The following SIPA1L3 variants were observed in gnomAD, a reference collection of about 807,000 sequenced individuals.
SIPA1L3 encodes signal-induced proliferation-associated 1-like protein 3.
In SIPA1L3, 59 loss-of-function variants were observed where a neutral mutation model predicts 150.1. That is an observed-to-expected ratio of 0.39 (90% CI 0.32 to 0.49). The LOEUF is 0.49. Ranked by LOEUF, SIPA1L3 falls within the 20% of genes least tolerant of loss-of-function variation. The probability of loss-of-function intolerance (pLI) is 0.86; values close to 1 mark genes in which losing one functional copy is unlikely to be tolerated. For synonymous variants in SIPA1L3, 1,070 were observed against 1,077.6 expected (o/e 0.99, Z 0.14); for missense variants, 2,211 against 2,489.5 (o/e 0.89, Z 2.38).
At chr19:38,050,121 G>T (rs1488712033) in intron 2 of SIPA1L3, among the ~76,000 whole-genome samples, 2 of 152,148 alleles carry the variant, frequency 1.3e-5, no homozygotes, top group Non-Finnish European at 2.9e-5. Context: ...TATATTGTAA[G>T]GTATTTTGAG....
chr19:37,938,624 C>CTTTTTTTTTTTTTTTT (rs759856556), intron 1 of SIPA1L3, among the ~76,000 whole-genome samples: 2 of 131,254 alleles, frequency 1.5e-5, no homozygotes, highest in Non-Finnish European at 3.3e-5. Flanking sequence ...TTTCTTTTTT[C>CTTTTTTTTTTTTTTTT]TTTTTTTTTT....
intron 1 of SIPA1L3, among the ~76,000 whole-genome samples, chr19:37,937,033 T>G (rs2046606666): frequency 6.6e-6 from 1 of 152,192 alleles, no homozygotes; most frequent in Admixed American, 6.5e-5. Flanking sequence ...GCTAATTTTT[T>G]TCATTTGTTT....
At chr19:38,143,349 GCCCTCATCCT>G (rs1971634693) in intron 12 of SIPA1L3, among the ~76,000 whole-genome samples, 1 of 151,952 alleles carries the variant, frequency 6.6e-6, no homozygotes, top group African/African-American at 2.4e-5. Context: ...CTGAGCTGTG[GCCCTCATCCT>G]GTGAATGTCC....
At chr19:37,962,104 T>C (rs1048164851) in intron 1 of SIPA1L3, among the ~76,000 whole-genome samples, 2 of 152,004 alleles carry the variant, frequency 1.3e-5, no homozygotes. Flanking sequence ...TGAGTATGGG[T>C]CACATTTTAC....
chr19:38,123,254 T>G lies in SIPA1L3; in HGVS notation c.2868+3372T>G, dbSNP rs146313695. ...AGCCCAAAGAGCCTGGGTTTTGGAG[T>G]TTTTTTTTTGTTTTTTTTGTTTTTT... On this transcript the variant is annotated intron_variant, in intron 9 of 21. Coordinates refer to ENST00000222345, the MANE Select transcript of SIPA1L3 (RefSeq NM_015073.3). 1.6e-3 allele frequency among the ~76,000 whole-genome samples: 207 copies of G among 131,324 alleles called. 1 individual carries two copies. Among genetic ancestry groups the G allele is most frequent in the East Asian group, 8.2e-3 (40 of 4,852 alleles). The allele number at this position is 131,324 out of a possible 152,430, so 86.2% of individuals were successfully genotyped here.
At chr19:37,956,780 A>G (rs1366487428) in intron 1 of SIPA1L3, among the ~76,000 whole-genome samples, 1 of 152,036 alleles carries the variant, frequency 6.6e-6, no homozygotes, top group Non-Finnish European at 1.5e-5. Context: ...CACCACGCCC[A>G]CCCTAATATA....
intron 1 of SIPA1L3, among the ~76,000 whole-genome samples, chr19:37,951,567 G>A (rs2145553817): frequency 6.6e-6 from 1 of 151,932 alleles, no homozygotes; most frequent in Admixed American, 6.6e-5. Context: ...TTTCTAGAAG[G>A]AAGTTTTAGA....
intron 1 of SIPA1L3, among the ~76,000 whole-genome samples, chr19:37,959,895 A>AT (rs1482306030): frequency 6.7e-6 from 1 of 150,208 alleles, no homozygotes; most frequent in Non-Finnish European, 1.5e-5. Flanking sequence ...TCAGATTAAT[A>AT]TTAAAACTTA....
At chr19:37,958,712 C>CT (rs1344308413) in intron 1 of SIPA1L3, among the ~76,000 whole-genome samples, 5 of 152,270 alleles carry the variant, frequency 3.3e-5, no homozygotes. Context: ...AAATTTAAAA[C>CT]TTTTGTGATG....
At chr19:38,138,597 G>GAAATAGATCT (rs1174099598) in intron 10 of SIPA1L3, among the ~76,000 whole-genome samples, 2 of 21,006 alleles carry the variant, frequency 9.5e-5, no homozygotes, top group African/African-American at 2.0e-3. Flanking sequence ...CCCACAGGGG[G>GAAATAGATCT]TTTTCGAAAC....
chr19:38,015,215 T>C (rs189655149), intron 1 of SIPA1L3, among the ~76,000 whole-genome samples: 1 of 152,356 alleles, frequency 6.6e-6, no homozygotes, highest in Admixed American at 6.5e-5. Context: ...ATGTCATTCA[T>C]TCTTACCAGA....
intron 2 of SIPA1L3, among the ~76,000 whole-genome samples, chr19:38,040,627 G>A (rs1177314731): frequency 6.6e-6 from 1 of 152,106 alleles, no homozygotes; most frequent in Non-Finnish European, 1.5e-5. Context: ...ACTTTGCTTT[G>A]AGACAGTTTT....
At chr19:38,120,315 AAAG>A (rs1970987916) in intron 9 of SIPA1L3, among the ~76,000 whole-genome samples, 3 of 151,834 alleles carry the variant, frequency 2.0e-5, no homozygotes, top group Non-Finnish European at 4.4e-5. Flanking sequence ...AAAAAAAAGA[AAAG>A]AAAATTAGGG....
chr19:37,948,702 A>G (rs915212179), intron 1 of SIPA1L3, among the ~76,000 whole-genome samples: 1 of 152,144 alleles, frequency 6.6e-6, no homozygotes, highest in Non-Finnish European at 1.5e-5. Flanking sequence ...CTTGGAGCTG[A>G]CATTCTAGAA....
intron 2 of SIPA1L3, among the ~76,000 whole-genome samples, chr19:38,078,436 A>G (rs1297964518): frequency 7.5e-6 from 1 of 132,604 alleles, no homozygotes; most frequent in Non-Finnish European, 1.6e-5. Context: ...ATGCGCATAC[A>G]TGCACACACA....
At chr19:38,064,737 G>A (rs181996594) in intron 2 of SIPA1L3, among the ~76,000 whole-genome samples, 14 of 152,306 alleles carry the variant, frequency 9.2e-5, no homozygotes, top group South Asian at 4.1e-4. Context: ...GCCAATTCTC[G>A]TTTATCACTG....
At chr19:37,911,534 A>T (rs4802144) in intron 1 of SIPA1L3, among the ~76,000 whole-genome samples, 56,296 of 147,048 alleles carry the variant, frequency 0.38, 13,406 homozygotes, top group East Asian at 0.71. Flanking sequence ...TTTGAGACGG[A>T]GTCTTGCTCT....
intron 1 of SIPA1L3, among the ~76,000 whole-genome samples, chr19:37,940,245 C>T (rs938635080): frequency 1.3e-4 from 20 of 150,950 alleles, no homozygotes; most frequent in African/African-American, 4.9e-4. Context: ...TGCACCGCTG[C>T]GTTCCAGCCT....
intron 21 of SIPA1L3, 79 bp from the exon 22 acceptor site, chr19:38,206,018 C>T: frequency 7.0e-7 from 1 of 1,436,300 alleles, no homozygotes. Context: ...GGCCAGGGCT[C>T]ACAGGCCTCA....
Sources: allele counts gnomAD v4.1 joint callset (sites outside exome capture counted in the v4.1 genomes callset), GRCh38; gene constraint gnomAD v4.1.1; transcripts MANE v1.5; gene names NCBI Gene and HGNC (gene_info 2026-07-23, HGNC 2026-07-21).